The following ATP8B3 variants were observed in gnomAD, a reference collection of about 807,000 sequenced individuals.
ATP8B3 encodes phospholipid-transporting ATPase IK.
Under a neutral mutation model 140.9 loss-of-function variants are expected in ATP8B3, and 141 were observed. The ratio of observed to expected loss-of-function variants is 1.00; its 90% CI spans 0.87 to 1.15. The LOEUF (loss-of-function observed/expected upper bound fraction) is 1.15. Ranked by LOEUF, ATP8B3 falls within the 50% of genes most tolerant of loss-of-function variation. The pLI is 0.00. For synonymous variants in ATP8B3, 765 were observed against 714.6 expected, an observed-to-expected ratio of 1.07 and a Z score of -1.13; for missense variants, 1,874 against 1,740.6, an observed-to-expected ratio of 1.08 and a Z score of -1.36.
rs1386246950 is a variant in ATP8B3, at chr19:1,783,276, G to A, written c.3661-6C>T. 2 of 1,604,856 alleles carry A rather than the reference G, an allele frequency of 1.2e-6. No individual in the cohort carries two copies. Among genetic ancestry groups the A allele is most frequent in the South Asian group, 1.1e-5 (1 of 89,620 alleles). ...CCCTCCTCCACCTTCTCCTCCTGAA[G>A]AGCAAAGGGGAGAGCAGGGGAAGCA... is the stretch of plus-strand genomic sequence containing the variant. On this transcript the variant is annotated splice_region_variant and splice_polypyrimidine_tract_variant and intron_variant, in intron 28 of 28. Transcript: ENST00000310127.
intron 18 of ATP8B3, among the ~76,000 whole-genome samples, chr19:1,792,436 C>T (rs1338628570): frequency 6.6e-6 from 1 of 150,870 alleles, no homozygotes; most frequent in Admixed American, 6.6e-5. Context: ...AAAGATTAGC[C>T]AGGCATGGTG....
chr19:1,808,388 G>A lies in ATP8B3; in HGVS notation c.403-53C>T, dbSNP rs1379964991. The A allele has an allele frequency of 2.0e-5, 28 of 1,429,834 alleles. No homozygotes were observed. In the Admixed American group the frequency reaches 3.1e-4, roughly 16 times the overall value. The allele number at this position is 1,429,834 out of a possible 1,614,324, so 88.6% of individuals were successfully genotyped here. A position where few individuals can be genotyped will look rare whatever the true frequency, so the allele number is the denominator to read the frequency against. Reference sequence around the variant, plus strand: ...CAGAGGGGTGCCATCCAGGCCAGGGGATGGGGGTGCCCGAGGCCAGACCTG... The same window carrying A: ...CAGAGGGGTGCCATCCAGGCCAGGGAATGGGGGTGCCCGAGGCCAGACCTG... On this transcript the variant is annotated intron_variant, in intron 4 of 28. Transcript: ENST00000310127.
Position 1,783,159 on chromosome 19 carries a change from C to A in ATP8B3, c.3772G>T (p.Glu1258Ter), listed in dbSNP as rs1276631190. Residue 1258 changes from glutamate (E) to a stop codon, truncating the protein, a stop_gained, in exon 29 of 29, where the codon GAG (glutamate) becomes TAG (stop). Transcript: ENST00000310127. LOFTEE classifies it low-confidence loss of function (END_TRUNC). Reference sequence around the variant, plus strand: ...TGAGTGATGAGGTTTGCATATCCCTCACGGTGGGAGAAAGCATAGCTGGAA... The same window carrying A: ...TGAGTGATGAGGTTTGCATATCCCTAACGGTGGGAGAAAGCATAGCTGGAA... ...RRSSYAFSHR[E>*]GYANLITQGT... 4 of 1,613,564 alleles carry A rather than the reference C, an allele frequency of 2.5e-6. No individual in the cohort carries two copies. The African/African-American group carries it at 5.3e-5, about 22-fold the overall frequency.
rs1041255933 is a variant in ATP8B3, at chr19:1,807,758, G to T, written c.516+464C>A. Among the ~76,000 whole-genome samples, 4 of 152,292 alleles carry T rather than the reference G, an allele frequency of 2.6e-5. No individual in the cohort carries two copies. The highest frequency in any genetic ancestry group is 9.6e-5 in the African/African-American group (4 of 41,482). ...AATGAGATGTTGGGTGAGAGTGTTT[G>T]CTCTGAAAACAGCGCCCCTGGCCGG... On this transcript the variant is annotated intron_variant, in intron 5 of 28. Transcript: ENST00000310127. This position sits in a 1 kb window ranked among gnomAD's most constrained non-coding sequence, Gnocchi z 5.9.
intron 4 of ATP8B3, among the ~76,000 whole-genome samples, chr19:1,808,855 G>T (rs1165662387): frequency 6.6e-6 from 1 of 152,188 alleles, no homozygotes; most frequent in Admixed American, 6.5e-5. Context: ...TGGTTAGGAC[G>T]GGCGGTTCGG....
At chr19:1,809,540 CA>C (rs1248416261) in intron 4 of ATP8B3, 102 bp downstream of exon 4, 1 of 934,844 alleles carries the variant, frequency 1.1e-6, no homozygotes, top group Non-Finnish European at 1.6e-6. Flanking sequence ...AACTATCGAG[CA>C]AATACAAGCA....
rs185866984 is a variant in ATP8B3, at chr19:1,804,961, T to G, written c.904+413A>C. ...ACTGTGTTATGGTTAAATTTTACACTTAATAGAATGTAGCACTTTATTTTT... is the reference window on the plus strand; with the variant it reads ...ACTGTGTTATGGTTAAATTTTACACGTAATAGAATGTAGCACTTTATTTTT... On this transcript the variant is annotated intron_variant, in intron 10 of 28. Coordinates refer to ENST00000310127, the MANE Select transcript of ATP8B3 (RefSeq NM_138813.4). 1.8e-3 allele frequency among the ~76,000 whole-genome samples: 274 copies of G among 152,386 alleles called. 2 individuals carry two copies. Among genetic ancestry groups the G allele is most frequent in the South Asian group, 0.012 (58 of 4,832 alleles).
chr19:1,785,172 G>C lies in ATP8B3; in HGVS notation c.3519C>G (p.Thr1173=), dbSNP rs774122132. 7 of 1,583,596 alleles carry C rather than the reference G, an allele frequency of 4.4e-6. No individual in the cohort carries two copies. In the African/African-American group the frequency reaches 8.1e-5, roughly 18 times the overall value. ...SFWLFRVSPT[T]FPFLYADLSV... Reference sequence around the variant, plus strand: ...ATGGGGGCTCACACAGAAACGGGAAGGTCGTGGGGGATACTCTGAAGAGCC... The same window carrying C: ...ATGGGGGCTCACACAGAAACGGGAACGTCGTGGGGGATACTCTGAAGAGCC... Residue 1173 remains threonine (T), a synonymous_variant, in exon 27 of 29, where the codon ACC becomes ACG. Transcript: ENST00000310127.
intron 18 of ATP8B3, 42 bp downstream of exon 18, chr19:1,795,833 A>AAAAGC: frequency 4.3e-5 from 60 of 1,384,102 alleles, no homozygotes; most frequent in East Asian, 7.1e-5. Flanking sequence ...ACACACACAC[A>AAAAGC]CACACACACA....
At chr19:1,799,548 C>T (rs1274941471) in intron 14 of ATP8B3, 6 of 396,060 alleles carry the variant, frequency 1.5e-5, no homozygotes, top group Admixed American at 4.4e-5. Flanking sequence ...GGTGGATCGC[C>T]GGAGGCCAGG....
intron 2 of ATP8B3, among the ~76,000 whole-genome samples, chr19:1,811,158 C>T (rs2069176761): frequency 6.6e-6 from 1 of 152,210 alleles, no homozygotes. Context: ...ATGGGACCCC[C>T]GGGCTATATG....
intron 10 of ATP8B3, among the ~76,000 whole-genome samples, chr19:1,804,731 G>C (rs886444308): frequency 5.3e-5 from 8 of 151,750 alleles, no homozygotes; most frequent in African/African-American, 1.7e-4. Flanking sequence ...GCTTGAACCT[G>C]GGAGGCAGAG....
rs762819073 is a variant in ATP8B3 at position 1,805,853 on chromosome 19, C to T, written c.821+35G>A. 2.5e-6 allele frequency: 4 copies of T among 1,611,294 alleles called. No homozygotes were observed. In the East Asian group the frequency reaches 6.7e-5, roughly 27 times the overall value. ...GGCTCCTCCGGGCCATGCTCCCCAC[C>T]CCCCAGGGTCCCCAGCGATGCCACA... On this transcript the variant is annotated intron_variant, in intron 9 of 28. Coordinates refer to ENST00000310127, the MANE Select transcript of ATP8B3 (RefSeq NM_138813.4). The surrounding 1 kb of genome is among the most constrained non-coding windows in gnomAD (Gnocchi z 5.2).
intron 2 of ATP8B3, among the ~76,000 whole-genome samples, chr19:1,810,985 AGCCATGCCAGCCTCTG>A (rs555776730): frequency 6.6e-6 from 1 of 152,138 alleles, no homozygotes; most frequent in African/African-American, 2.4e-5. Context: ...CTCTACCGCC[AGCCATGCCAGCCTCTG>A]GCCATGCCAG....
intron 24 of ATP8B3, among the ~76,000 whole-genome samples, chr19:1,787,556 C>T (rs1186106471): frequency 6.6e-6 from 1 of 151,854 alleles, no homozygotes; most frequent in Non-Finnish European, 1.5e-5. Flanking sequence ...CGGTGAAACC[C>T]CGTCTCTACT....
rs2069039756 is a variant in ATP8B3, at chr19:1,806,868, A to G, written c.616-179T>C. On this transcript the variant is annotated intron_variant, in intron 6 of 28. Coordinates refer to ENST00000310127, the MANE Select transcript of ATP8B3 (RefSeq NM_138813.4). This position sits in a 1 kb window ranked among gnomAD's most constrained non-coding sequence, Gnocchi z 5.6. ...CGTGGGGGCCACTGGACCCACTGCT[A>G]TTGGCGGGGAGAAGACAGGCGTGCT... 6.6e-6 allele frequency among the ~76,000 whole-genome samples: 1 copy of G among 152,022 alleles called. No individual in the cohort carries two copies. Among genetic ancestry groups the G allele is most frequent in the Non-Finnish European group, 1.5e-5 (1 of 67,964 alleles).
rs1236262788 is a variant in ATP8B3, at chr19:1,794,321, C to G, written c.2055+1554G>C. Among the ~76,000 whole-genome samples, 1 of 152,176 alleles carries G rather than the reference C, an allele frequency of 6.6e-6. No individual in the cohort carries two copies. Among genetic ancestry groups the G allele is most frequent in the African/African-American group, 2.4e-5 (1 of 41,454 alleles). ...CGGCCTCAATTTACCCATCCATTCCCTGGGGTGGCTGAGCTAAGCTGACCT... is the reference window on the plus strand; with the variant it reads ...CGGCCTCAATTTACCCATCCATTCCGTGGGGTGGCTGAGCTAAGCTGACCT... On this transcript the variant is annotated intron_variant, in intron 18 of 28. Transcript: ENST00000310127. The surrounding 1 kb of genome is among the most constrained non-coding windows in gnomAD (Gnocchi z 4.8).
In ATP8B3 at chr19:1,795,999, C is replaced by T. The variant is rs570179544; in HGVS notation, c.1943-12G>A. 3.1e-6 allele frequency: 5 copies of T among 1,613,010 alleles called. No homozygotes were observed. Among genetic ancestry groups the T allele is most frequent in the Admixed American group, 3.3e-5 (2 of 60,014 alleles). ...CTCTGGCTTTCGAACTGTGGGGGAA[C>T]AGGCCCTGCTGCCCACAGAGGCTCC... On this transcript the variant is annotated splice_polypyrimidine_tract_variant and intron_variant, in intron 17 of 28. Transcript: ENST00000310127.
chr19:1,802,534 C>G lies in ATP8B3; in HGVS notation c.1016G>C (p.Cys339Ser). 1.2e-6 allele frequency: 2 copies of G among 1,608,886 alleles called. No individual in the cohort carries two copies. Among genetic ancestry groups the G allele is most frequent in the South Asian group, 2.2e-5 (2 of 90,880 alleles). ...LDIGNLLLRG[C>S]RIRNTDTCYG... ...GCAGGTGTCTGTGTTGCGAATCCTGCAGCCTCGGAGGAGGAGGTTGCCAAT... is the reference window on the plus strand; with the variant it reads ...GCAGGTGTCTGTGTTGCGAATCCTGGAGCCTCGGAGGAGGAGGTTGCCAAT... The change falls in exon 11 of 29, where the codon TGC (cysteine) becomes TCC (serine). Residue 339 changes from cysteine to serine, a missense_variant. By Grantham distance (112) the Cys-to-Ser change is moderately radical. Coordinates refer to ENST00000310127, the MANE Select transcript of ATP8B3 (RefSeq NM_138813.4).
Sources: gnomAD v4.1 joint callset for allele counts (sites outside exome capture counted in the v4.1 genomes callset) on GRCh38, gnomAD v4.1.1 for gene constraint, Gnocchi (gnomAD v3.1) non-coding constraint, MANE v1.5 for transcripts, NCBI Gene and HGNC (gene_info 2026-07-23, HGNC 2026-07-21) for gene names.